The following PKIB variants were observed in gnomAD, a reference collection of about 807,000 sequenced individuals.
PKIB encodes the protein cAMP-dependent protein kinase inhibitor beta.
Under a neutral mutation model 4.5 loss-of-function variants are expected in PKIB, and 2 were observed. That is an observed-to-expected ratio of 0.44 (90% CI 0.18 to 1.39). The LOEUF (loss-of-function observed/expected upper bound fraction) is 1.39. PKIB is among the 40% of genes most tolerant of loss of function. PKIB has a pLI of 0.27. For synonymous variants in PKIB, 38 were observed against 36.0 expected (o/e 1.06, Z -0.20); for missense variants, 94 against 92.6 (o/e 1.02, Z -0.06).
rs550550575 is a variant in PKIB, at chr6:122,492,482, T to C, written c.-248+14543T>C. 2.6e-5 allele frequency among the ~76,000 whole-genome samples: 4 copies of C among 152,302 alleles called. No individual in the cohort carries two copies. The East Asian group carries it at 7.7e-4, about 29-fold the overall frequency. ...ATAGCCTCAGTAATGTTTCCAGATA[T>C]ATATTTATATTGCTTTTCCACTAAT... On this transcript the variant is annotated intron_variant, in intron 2 of 6. Coordinates refer to the PKIB transcript ENST00000392491.
intron 2 of PKIB, among the ~76,000 whole-genome samples, chr6:122,645,949 A>G (rs1776295704): frequency 6.6e-6 from 1 of 151,636 alleles, no homozygotes; most frequent in Non-Finnish European, 1.5e-5. Context: ...TTAAAAGACA[A>G]CTTTGATACA....
chr6:122,601,937 T>TAGG (rs1774382926), intron 3 of PKIB, among the ~76,000 whole-genome samples: 1 of 152,026 alleles, frequency 6.6e-6, no homozygotes, highest in Admixed American at 6.6e-5. Context: ...CACCTGTAGT[T>TAGG]TGGAATCAAT....
intron 3 of PKIB, among the ~76,000 whole-genome samples, chr6:122,589,528 A>G (rs903969921): frequency 3.9e-5 from 6 of 152,178 alleles, no homozygotes; most frequent in Admixed American, 3.3e-4. Flanking sequence ...TTTCATCTCC[A>G]TGTCTTAAAT....
intron 2 of PKIB, among the ~76,000 whole-genome samples, chr6:122,526,232 A>T (rs763198892): frequency 6.6e-6 from 1 of 152,090 alleles, no homozygotes; most frequent in Non-Finnish European, 1.5e-5. Flanking sequence ...TTTCAAAGTT[A>T]TCCATAAGAG....
intron 2 of PKIB, among the ~76,000 whole-genome samples, chr6:122,642,085 C>T (rs922552107): frequency 5.3e-5 from 8 of 152,184 alleles, no homozygotes; most frequent in East Asian, 1.9e-4. Flanking sequence ...TTGAACTGTA[C>T]GGAAATACAT....
chr6:122,571,815 A>G lies in PKIB; in HGVS notation c.-247-14106A>G, dbSNP rs75721281. 1.3e-3 allele frequency among the ~76,000 whole-genome samples: 201 copies of G among 152,348 alleles called. 4 individuals carry two copies. In the East Asian group the frequency reaches 0.035, roughly 26 times the overall value. On this transcript the variant is annotated intron_variant, in intron 2 of 6. Transcript: ENST00000392491. ...ATAAATCTCACAGGGCCTATAAAAC[A>G]TTAACATAATGAAGAAAAACAAAGT... is the stretch of plus-strand genomic sequence containing the variant.
At chr6:122,678,856 A>G (rs1217981924) in intron 3 of PKIB, among the ~76,000 whole-genome samples, 1 of 152,196 alleles carries the variant, frequency 6.6e-6, no homozygotes, top group Non-Finnish European at 1.5e-5. Flanking sequence ...TAAATGTACA[A>G]CATTTTGAAA....
At chr6:122,605,605 TCC>T (rs1774505597), upstream of PKIB, among the ~76,000 whole-genome samples, 1 of 152,126 alleles carries the variant, frequency 6.6e-6, no homozygotes, top group African/African-American at 2.4e-5. Flanking sequence ...GATATGGTCA[TCC>T]TGTAGACTCT....
chr6:122,542,995 A>G (rs1442312579), intron 2 of PKIB, among the ~76,000 whole-genome samples: 1 of 152,078 alleles, frequency 6.6e-6, no homozygotes, highest in Non-Finnish European at 1.5e-5. Flanking sequence ...GCGAGACTCC[A>G]TGGGCATACG....
intron 2 of PKIB, among the ~76,000 whole-genome samples, chr6:122,641,146 T>G (rs1776104660): frequency 6.6e-6 from 1 of 152,206 alleles, no homozygotes; most frequent in Non-Finnish European, 1.5e-5. Flanking sequence ...ACTCATGTAT[T>G]TATACAACCA....
intron 2 of PKIB, among the ~76,000 whole-genome samples, chr6:122,485,082 ATG>A (rs1160917401): frequency 3.3e-5 from 5 of 152,144 alleles, no homozygotes; most frequent in African/African-American, 1.2e-4. Context: ...ATCTGCCACC[ATG>A]TGGCTGCTCT....
chr6:122,688,308 T>G (rs1047300593), intron 3 of PKIB, among the ~76,000 whole-genome samples: 2 of 152,216 alleles, frequency 1.3e-5, no homozygotes, highest in Admixed American at 1.3e-4. Context: ...AAATCCCAGT[T>G]GGTCATGATG....
chr6:122,545,600 C>A (rs775394022), intron 2 of PKIB, among the ~76,000 whole-genome samples: 5 of 151,162 alleles, frequency 3.3e-5, no homozygotes, highest in Non-Finnish European at 7.4e-5. Context: ...TCCCACCCTT[C>A]ACCCACAAAT....
chr6:122,493,982 T>C (rs1010426526), intron 2 of PKIB, among the ~76,000 whole-genome samples: 1 of 152,138 alleles, frequency 6.6e-6, no homozygotes, highest in Non-Finnish European at 1.5e-5. Flanking sequence ...AATATTTAAC[T>C]ATTTTATTAA....
chr6:122,599,466 T>C (rs561268410), intron 3 of PKIB, among the ~76,000 whole-genome samples: 129 of 152,274 alleles, frequency 8.5e-4, no homozygotes, highest in African/African-American at 3.0e-3. Flanking sequence ...CGATAAGAGC[T>C]TATATCTGTT....
At chr6:122,595,435 C>T (rs1404126078) in intron 3 of PKIB, among the ~76,000 whole-genome samples, 1 of 152,172 alleles carries the variant, frequency 6.6e-6, no homozygotes, top group Non-Finnish European at 1.5e-5. Context: ...GTGCCTTTGT[C>T]AGAGGCAATG....
At chr6:122,635,558 A>C (rs1023717220) in intron 2 of PKIB, among the ~76,000 whole-genome samples, 5 of 151,684 alleles carry the variant, frequency 3.3e-5, no homozygotes, top group African/African-American at 9.6e-5. Context: ...AAAAAAAAAA[A>C]AAAACTAAAA....
chr6:122,641,549 AAAC>A (rs1304892233), intron 2 of PKIB, among the ~76,000 whole-genome samples: 1 of 152,202 alleles, frequency 6.6e-6, no homozygotes, highest in Admixed American at 6.5e-5. Context: ...CATATGAAGA[AAAC>A]AAAGCTTCGA....
At chr6:122,569,385 A>G (rs1263693879) in intron 2 of PKIB, among the ~76,000 whole-genome samples, 1 of 152,182 alleles carries the variant, frequency 6.6e-6, no homozygotes, top group African/African-American at 2.4e-5. Context: ...ACCTCTAGGT[A>G]GAATAATACT....
Sources: gnomAD v4.1 joint callset for allele counts (sites outside exome capture counted in the v4.1 genomes callset) on GRCh38, gnomAD v4.1.1 for gene constraint, MANE v1.5 for transcripts, NCBI Gene and HGNC (gene_info 2026-07-23, HGNC 2026-07-21) for gene names.